The following ERBB4 variants were observed in gnomAD, a reference collection of about 807,000 sequenced individuals.
ERBB4 encodes receptor tyrosine-protein kinase erbB-4.
In ERBB4, 42 loss-of-function variants were observed where a neutral mutation model predicts 158.0. The ratio of observed to expected loss-of-function variants is 0.27; its 90% CI spans 0.21 to 0.34. ERBB4 has a LOEUF of 0.34. Ranked by LOEUF, ERBB4 falls within the 10% of genes least tolerant of loss-of-function variation. The pLI, the probability that ERBB4 is intolerant of heterozygous loss-of-function variation, is 1.00. For synonymous variants in ERBB4, 583 were observed against 558.7 expected (o/e 1.04, Z -0.61); for missense variants, 1,333 against 1,624.1 (o/e 0.82, Z 3.08).
At chr2:212,493,925 T>A (rs1560475718) in intron 1 of ERBB4, among the ~76,000 whole-genome samples, 1 of 151,866 alleles carries the variant, frequency 6.6e-6, no homozygotes, top group Non-Finnish European at 1.5e-5. Context: ...ATTATTAGAA[T>A]ATACCACTAA....
intron 1 of ERBB4, among the ~76,000 whole-genome samples, chr2:212,132,972 A>G (rs1418616451): frequency 1.3e-5 from 2 of 152,132 alleles, no homozygotes; most frequent in Admixed American, 6.5e-5. Context: ...ATAACAGGTC[A>G]TACTTCCACC....
At chr2:211,523,359 G>A (rs2066242439) in intron 20 of ERBB4, among the ~76,000 whole-genome samples, 2 of 150,862 alleles carry the variant, frequency 1.3e-5, no homozygotes. Flanking sequence ...GTGCTTTTGA[G>A]ATGTTGAATT....
intron 3 of ERBB4, among the ~76,000 whole-genome samples, chr2:211,809,168 A>G (rs1213027789): frequency 2.0e-5 from 3 of 152,140 alleles, no homozygotes; most frequent in Non-Finnish European, 4.4e-5. Context: ...CACTATGTTG[A>G]ATAGGAGTGG....
chr2:212,148,916 C>CA (rs2080773339), intron 1 of ERBB4, among the ~76,000 whole-genome samples: 1 of 139,666 alleles, frequency 7.2e-6, no homozygotes, highest in Non-Finnish European at 1.5e-5. Context: ...ATCGCAAGAA[C>CA]AAAAAACCAA....
intron 7 of ERBB4, among the ~76,000 whole-genome samples, chr2:211,716,362 C>CAAAAAAAAAAAAA (rs534486221): frequency 2.9e-5 from 2 of 69,288 alleles, no homozygotes; most frequent in African/African-American, 1.7e-4. Flanking sequence ...AACTCTGTCT[C>CAAAAAAAAAAAAA]AAAAAAAAAA....
intron 1 of ERBB4, among the ~76,000 whole-genome samples, chr2:212,301,993 C>A (rs2086641501): frequency 6.6e-6 from 1 of 151,412 alleles, no homozygotes; most frequent in Non-Finnish European, 1.5e-5. Context: ...GGATATAAGA[C>A]ATACTTGACC....
At chr2:211,734,981 G>A (rs1459463704) in intron 5 of ERBB4, among the ~76,000 whole-genome samples, 1 of 147,526 alleles carries the variant, frequency 6.8e-6, no homozygotes, top group East Asian at 2.0e-4. Flanking sequence ...AAAATATAAT[G>A]TGAAGTGAAA....
At chr2:211,418,694 A>G (rs1221364942) in intron 25 of ERBB4, among the ~76,000 whole-genome samples, 3 of 152,016 alleles carry the variant, frequency 2.0e-5, no homozygotes, top group Admixed American at 6.5e-5. Flanking sequence ...TTTTTTTTAA[A>G]TTTCACTGTT....
intron 2 of ERBB4, among the ~76,000 whole-genome samples, chr2:211,994,107 T>C (rs1157836672): frequency 6.6e-6 from 1 of 152,098 alleles, no homozygotes; most frequent in Admixed American, 6.6e-5. Flanking sequence ...TCTATATCTA[T>C]ATGTCTATCT....
At chr2:211,413,728 T>G (rs886690794) in intron 25 of ERBB4, among the ~76,000 whole-genome samples, 16 of 152,094 alleles carry the variant, frequency 1.1e-4, no homozygotes, top group Admixed American at 4.6e-4. Flanking sequence ...ATGCAGGATT[T>G]TTTTTGCTCC....
chr2:211,580,803 T>TC lies in ERBB4; in HGVS notation c.2302-18716_2302-18715insG, dbSNP rs2068051245. 3.2e-5 allele frequency among the ~76,000 whole-genome samples: 2 copies of TC among 63,278 alleles called. 1 individual carries two copies. Among genetic ancestry groups the TC allele is most frequent in the South Asian group, 7.6e-4 (2 of 2,622 alleles). The allele number at this position is 63,278 out of a possible 152,430, so 41.5% of individuals were successfully genotyped here. ...AGAAATTGTGATATATATATATATATATATATATAATATATATATATTATA... is the reference window on the plus strand; with the variant it reads ...AGAAATTGTGATATATATATATATATCATATATATAATATATATATATTATA... On this transcript the variant is annotated intron_variant, in intron 19 of 27. Coordinates refer to ENST00000342788, the MANE Select transcript of ERBB4 (RefSeq NM_005235.3).
chr2:212,216,261 T>C (rs1364384806), intron 1 of ERBB4, among the ~76,000 whole-genome samples: 1 of 151,300 alleles, frequency 6.6e-6, no homozygotes, highest in Admixed American at 6.6e-5. Context: ...AATGACACCA[T>C]TAGTATTCAC....
Position 211,955,298 on chromosome 2 carries a change from T to G in ERBB4, c.235-7682A>C, listed in dbSNP as rs115418068. Among the ~76,000 whole-genome samples the G allele has an allele frequency of 7.5e-3, 1,143 of 152,118 alleles. 14 individuals carry two copies. The highest frequency in any genetic ancestry group is 0.025 in the African/African-American group (1,052 of 41,526). On this transcript the variant is annotated intron_variant, in intron 2 of 27. Coordinates refer to ENST00000342788, the MANE Select transcript of ERBB4 (RefSeq NM_005235.3). Reference sequence around the variant, plus strand: ...CTTAGCCAGCTCTCAACCCATGACTTCTTAGCAGTGAACACCTTTAGTTCC... The same window carrying G: ...CTTAGCCAGCTCTCAACCCATGACTGCTTAGCAGTGAACACCTTTAGTTCC...
chr2:212,333,956 AT>A (rs1013501118), intron 1 of ERBB4, among the ~76,000 whole-genome samples: 4 of 152,084 alleles, frequency 2.6e-5, no homozygotes, highest in Non-Finnish European at 5.9e-5. Flanking sequence ...GTACCTTAAC[AT>A]TACAAGCACA....
intron 2 of ERBB4, among the ~76,000 whole-genome samples, chr2:212,007,678 A>C (rs2076289734): frequency 6.6e-6 from 1 of 151,918 alleles, no homozygotes; most frequent in Non-Finnish European, 1.5e-5. Context: ...ACTTATATTT[A>C]TCTAATCCTT....
chr2:211,829,928 G>A (rs1017600112), intron 3 of ERBB4, among the ~76,000 whole-genome samples: 12 of 152,122 alleles, frequency 7.9e-5, no homozygotes, highest in African/African-American at 2.7e-4. Context: ...TCAGCAAATA[G>A]TAACAAGTAT....
intron 1 of ERBB4, among the ~76,000 whole-genome samples, chr2:212,413,555 A>G (rs896826587): frequency 2.6e-5 from 4 of 152,142 alleles, no homozygotes; most frequent in Non-Finnish European, 5.9e-5. Context: ...AAACAGTTCT[A>G]TGGTTTGTAT....
intron 1 of ERBB4, among the ~76,000 whole-genome samples, chr2:212,422,947 AT>A (rs1413456898): frequency 6.6e-6 from 1 of 152,210 alleles, no homozygotes; most frequent in Admixed American, 6.5e-5. Context: ...CAGCTGGTTA[AT>A]ATTATGTGAA....
At chr2:211,980,776 T>A (rs918318345) in intron 2 of ERBB4, among the ~76,000 whole-genome samples, 1 of 152,208 alleles carries the variant, frequency 6.6e-6, no homozygotes, top group Non-Finnish European at 1.5e-5. Context: ...TCACATGTGA[T>A]TACTAGCTCA....
Sources: allele counts gnomAD v4.1 joint callset (sites outside exome capture counted in the v4.1 genomes callset), GRCh38; gene constraint gnomAD v4.1.1; transcripts MANE v1.5; gene names NCBI Gene and HGNC (gene_info 2026-07-23, HGNC 2026-07-21).